The following SNAPC1 variants were observed in gnomAD, a reference collection of about 807,000 sequenced individuals.
SNAPC1 encodes the protein snRNA-activating protein complex subunit 1.
A neutral mutation model predicts 50.1 loss-of-function variants in SNAPC1; 42 were observed. The observed-to-expected ratio is 0.84, with a 90% CI of 0.65 to 1.08. The LOEUF (loss-of-function observed/expected upper bound fraction) is 1.08, where lower values mean the gene tolerates loss of function less well. Ranked by LOEUF, SNAPC1 falls within the 50% of genes least tolerant of loss-of-function variation. The probability of loss-of-function intolerance (pLI) is 0.00; values close to 1 mark genes in which losing one functional copy is unlikely to be tolerated. For missense variants in SNAPC1, 477 were observed against 427.3 expected (o/e 1.12, Z -1.02); for synonymous variants, 164 against 144.2 (o/e 1.14, Z -0.98).
In SNAPC1 at chr14:61,765,753, T is replaced by C. The variant is rs545867438; in HGVS notation, c.129-1123T>C. On this transcript the variant is annotated intron_variant, in intron 1 of 9. Transcript: ENST00000216294. ...CCTTTCATGTACATTTCCTATGTTATTTCATTGATTGATTGCCAACAAAGC... is the reference window on the plus strand; with the variant it reads ...CCTTTCATGTACATTTCCTATGTTACTTCATTGATTGATTGCCAACAAAGC... 9.1e-4 allele frequency among the ~76,000 whole-genome samples: 138 copies of C among 152,298 alleles called. 1 individual carries two copies. Among genetic ancestry groups the C allele is most frequent in the African/African-American group, 3.2e-3 (132 of 41,554 alleles).
intron 8 of SNAPC1, 104 bp downstream of exon 8, chr14:61,782,501 TGA>T (rs1160768330): frequency 1.3e-6 from 1 of 786,232 alleles, no homozygotes; most frequent in Non-Finnish European, 1.9e-6. Flanking sequence ...GATACTTGTT[TGA>T]GAACATTTTT....
At chr14:61,775,567 T>G (rs1474327039) in intron 4 of SNAPC1, among the ~76,000 whole-genome samples, 1 of 152,166 alleles carries the variant, frequency 6.6e-6, no homozygotes, top group African/African-American at 2.4e-5. Context: ...CCTCTATATC[T>G]TTAATCCTGA....
Position 61,792,852 on chromosome 14 carries a change from G to A in SNAPC1, c.1022G>A (p.Ser341Asn). The A allele has an allele frequency of 6.2e-7, 1 of 1,605,572 alleles. No individual in the cohort carries two copies. Among genetic ancestry groups the A allele is most frequent in the Non-Finnish European group, 8.5e-7 (1 of 1,174,686 alleles). The change falls in exon 9 of 10, where the codon AGT becomes AAT. Residue 341 changes from serine (S) to asparagine (N), a missense_variant. Transcript: ENST00000216294. ...IHKEDKPLSLSMPVITEEEEN... is the reference protein window; with the variant it reads ...IHKEDKPLSLNMPVITEEEEN... The stretch of plus-strand genomic sequence containing the variant: ...AAGGAAGATAAACCTTTAAGTCTGA[G>A]TATGCCTGTAATTACAGAAGAAGAA...
intron 8 of SNAPC1, among the ~76,000 whole-genome samples, chr14:61,784,989 G>A (rs912266049): frequency 6.6e-6 from 1 of 152,124 alleles, no homozygotes; most frequent in Non-Finnish European, 1.5e-5. Flanking sequence ...AAAATTTAGG[G>A]AGGTAAGGGT....
intron 8 of SNAPC1, among the ~76,000 whole-genome samples, chr14:61,784,952 G>GA (rs1465477052): frequency 6.6e-6 from 1 of 152,086 alleles, no homozygotes; most frequent in Non-Finnish European, 1.5e-5. Context: ...ATTCTAAAGA[G>GA]AATTTGCTGA....
At chr14:61,784,288 G>T (rs1026397579) in intron 8 of SNAPC1, among the ~76,000 whole-genome samples, 3 of 152,148 alleles carry the variant, frequency 2.0e-5, no homozygotes, top group Admixed American at 2.0e-4. Flanking sequence ...TAAGTCACAT[G>T]TATCAAAAAT....
chr14:61,795,857 G>C lies in SNAPC1; in HGVS notation c.*874G>C, dbSNP rs950709012. On this transcript the variant is annotated 3_prime_UTR_variant, in exon 10 of 10. Coordinates refer to ENST00000216294, the MANE Select transcript of SNAPC1 (RefSeq NM_003082.4). ...TCCCTATCATGTTGTTGGCTCAACT[G>C]TTTTTTTTTTTTCCCTAATAGAGAT... The C allele has an allele frequency of 6.9e-6, 1 of 145,072 alleles. No individual in the cohort carries two copies. The highest frequency in any genetic ancestry group is 2.5e-5 in the African/African-American group (1 of 39,820). The allele number at this position is 145,072 out of a possible 1,614,324, so 9.0% of individuals were successfully genotyped here. A position where few individuals can be genotyped will look rare whatever the true frequency, so the allele number is the denominator to read the frequency against.
chr14:61,779,963 C>T (rs967638222), intron 7 of SNAPC1, among the ~76,000 whole-genome samples: 6 of 152,152 alleles, frequency 3.9e-5, no homozygotes, highest in Non-Finnish European at 7.3e-5. Flanking sequence ...CCTGCCTTGG[C>T]CTCCCAAAGT....
Position 61,776,246 on chromosome 14 carries a change from A to G in SNAPC1, c.686A>G (p.Asp229Gly). Residue 229 changes from aspartate (D) to glycine (G), a missense_variant, in exon 5 of 10, where the codon GAC becomes GGC. Transcript: ENST00000216294. ...TTGGAGCATCAGCAGTGGCACAAAG[A>G]CAGAAAGGTATGCAATCACTTGTTT... is the stretch of plus-strand genomic sequence containing the variant. ...IVLEHQQWHKDRKNPSLKSKT... is the reference protein window; with the variant it reads ...IVLEHQQWHKGRKNPSLKSKT... 6.2e-7 allele frequency: 1 copy of G among 1,611,230 alleles called. No individual in the cohort carries two copies. Among genetic ancestry groups the G allele is most frequent in the Non-Finnish European group, 8.5e-7 (1 of 1,178,738 alleles).
chr14:61,768,863 C>A (rs1027926135), intron 4 of SNAPC1, 123 bp downstream of exon 4: 4 of 550,206 alleles, frequency 7.3e-6, no homozygotes, highest in African/African-American at 3.8e-5. Flanking sequence ...CTCTAGGATG[C>A]TATTTCTCTA....
intron 4 of SNAPC1, among the ~76,000 whole-genome samples, chr14:61,773,521 A>C (rs2045010617): frequency 6.8e-6 from 1 of 146,510 alleles, no homozygotes; most frequent in Non-Finnish European, 1.5e-5. Flanking sequence ...CGGCCTGCTG[A>C]GTAGATGGGA....
At chr14:61,764,993 T>C (rs2285000) in intron 1 of SNAPC1, among the ~76,000 whole-genome samples, 22,681 of 152,236 alleles carry the variant, frequency 0.15, 2,038 homozygotes, top group South Asian at 0.32. Context: ...GTTCTACATA[T>C]TTATATTTGT....
Position 61,782,172 on chromosome 14 carries a change from A to G in SNAPC1, c.826-75A>G, listed in dbSNP as rs1163070884. 3 of 1,126,338 alleles carry G rather than the reference A, an allele frequency of 2.7e-6. No individual in the cohort carries two copies. In the African/African-American group the frequency reaches 4.7e-5, roughly 18 times the overall value. The allele number at this position is 1,126,338 out of a possible 1,614,324, so 69.8% of individuals were successfully genotyped here. On this transcript the variant is annotated intron_variant, in intron 7 of 9. Transcript: ENST00000216294. Reference sequence around the variant, plus strand: ...AATCTTTCCTCATCTTTGATTGTACATTTTGTCTTCCTCTCAATTTTATCA... The same window carrying G: ...AATCTTTCCTCATCTTTGATTGTACGTTTTGTCTTCCTCTCAATTTTATCA...
chr14:61,783,527 G>GTTTTTTT (rs1566591960), intron 8 of SNAPC1, among the ~76,000 whole-genome samples: 1 of 127,152 alleles, frequency 7.9e-6, no homozygotes, highest in Non-Finnish European at 1.6e-5. Flanking sequence ...AGTTTGGTTT[G>GTTTTTTT]GTTTTTTTTT....
At chr14:61,762,718 C>T (rs2044915933) in intron 1 of SNAPC1, 130 bp downstream of exon 1, 5 of 973,932 alleles carry the variant, frequency 5.1e-6, no homozygotes, top group East Asian at 5.0e-5. Context: ...GCCTCCATGA[C>T]TCCTGGACCT....
At chr14:61,764,028 G>C (rs370147574) in intron 1 of SNAPC1, among the ~76,000 whole-genome samples, 1 of 151,958 alleles carries the variant, frequency 6.6e-6, no homozygotes, top group Non-Finnish European at 1.5e-5. Context: ...TCCACCTCCC[G>C]GGTTCAAGAG....
chr14:61,764,422 A>G (rs2044931932), intron 1 of SNAPC1, among the ~76,000 whole-genome samples: 1 of 152,226 alleles, frequency 6.6e-6, no homozygotes, highest in African/African-American at 2.4e-5. Context: ...TTTGTTGTAC[A>G]GTTAATAAAA....
rs1375878014 is a variant in SNAPC1, at chr14:61,776,208, T to C, written c.648T>C (p.Ile216=). The change falls in exon 5 of 10, where the codon ATT becomes ATC. Residue 216 remains isoleucine (I), a synonymous_variant. Transcript: ENST00000216294. ...TAAAGGATGATTTTTTTGACAATATTAAGAACATAGTTTTGGAGCATCAGC... is the reference window on the plus strand; with the variant it reads ...TAAAGGATGATTTTTTTGACAATATCAAGAACATAGTTTTGGAGCATCAGC... ...SLIKDDFFDN[I]KNIVLEHQQW... 1 of 1,613,260 alleles carries C rather than the reference T, an allele frequency of 6.2e-7. No homozygotes were observed. The highest frequency in any genetic ancestry group is 1.7e-5 in the Admixed American group (1 of 59,756).
chr14:61,764,826 T>C (rs2044934903), intron 1 of SNAPC1, among the ~76,000 whole-genome samples: 3 of 152,190 alleles, frequency 2.0e-5, no homozygotes, highest in African/African-American at 7.2e-5. Context: ...AGTAGGCATT[T>C]TGTATTCTTT....
Sources: allele counts gnomAD v4.1 joint callset (sites outside exome capture counted in the v4.1 genomes callset), GRCh38; gene constraint gnomAD v4.1.1; transcripts MANE v1.5; gene names NCBI Gene and HGNC (gene_info 2026-07-23, HGNC 2026-07-21).